The following ZNF385D variants were observed in gnomAD, a reference collection of about 807,000 sequenced individuals.
ZNF385D encodes the protein zinc finger protein 385D, also known as zinc finger protein 659.
Under a neutral mutation model 35.8 loss-of-function variants are expected in ZNF385D, and 15 were observed. The ratio of observed to expected loss-of-function variants is 0.42; its 90% confidence interval spans 0.28 to 0.64. The LOEUF (loss-of-function observed/expected upper bound fraction) is 0.64, where lower values mean the gene tolerates loss of function less well. Ranked by LOEUF, ZNF385D falls within the 30% of genes least tolerant of loss-of-function variation. The pLI is 0.23. For synonymous variants in ZNF385D, 212 were observed against 186.8 expected, an observed-to-expected ratio of 1.13 and a Z score of -1.10; for missense variants, 474 against 494.6, an observed-to-expected ratio of 0.96 and a Z score of 0.39.
intron 4 of ZNF385D, among the ~76,000 whole-genome samples, chr3:21,470,896 C>A (rs541710436): frequency 3.9e-5 from 6 of 152,100 alleles, no homozygotes; most frequent in African/African-American, 1.4e-4. Context: ...GGAAGGTTTG[C>A]TACTGCATTT....
At chr3:22,210,833 A>T (rs1225379469) in intron 2 of ZNF385D, among the ~76,000 whole-genome samples, 1 of 151,812 alleles carries the variant, frequency 6.6e-6, no homozygotes, top group Non-Finnish European at 1.5e-5. Flanking sequence ...GCCAAAATAT[A>T]CTCTAAGTCA....
chr3:21,956,485 T>TA (rs1222839935), intron 3 of ZNF385D, among the ~76,000 whole-genome samples: 1 of 151,962 alleles, frequency 6.6e-6, no homozygotes, highest in Non-Finnish European at 1.5e-5. Flanking sequence ...TGTAAATATG[T>TA]AAAAGGGAGA....
intron 3 of ZNF385D, among the ~76,000 whole-genome samples, chr3:22,108,374 T>C (rs534832039): frequency 6.6e-6 from 1 of 152,116 alleles, no homozygotes; most frequent in Non-Finnish European, 1.5e-5. Context: ...TTTTGTTTTT[T>C]TTTTGCATGA....
At chr3:22,113,134 T>A (rs181185243) in intron 3 of ZNF385D, among the ~76,000 whole-genome samples, 7 of 152,056 alleles carry the variant, frequency 4.6e-5, no homozygotes, top group African/African-American at 1.7e-4. Context: ...TGTGTTGAAA[T>A]AGAATGTGTA....
intron 3 of ZNF385D, among the ~76,000 whole-genome samples, chr3:21,997,256 C>A (rs1180804645): frequency 1.3e-5 from 2 of 151,984 alleles, no homozygotes; most frequent in Non-Finnish European, 2.9e-5. Flanking sequence ...GGACAGAAAA[C>A]CAAATACCAC....
chr3:21,436,936 C>T lies in ZNF385D; in HGVS notation c.673+34G>A, dbSNP rs780182407. 5.0e-6 allele frequency: 8 copies of T among 1,588,926 alleles called. No individual in the cohort carries two copies. In the East Asian group the frequency reaches 1.6e-4, roughly 31 times the overall value. ...TATTCAGAGGAAGATAATTGCAGAG[C>T]TGTTGAAACAAAAAAGAAATCGCTG... On this transcript the variant is annotated intron_variant, in intron 5 of 7. Transcript: ENST00000281523.
At chr3:22,069,841 C>T (rs1036615846) in intron 3 of ZNF385D, among the ~76,000 whole-genome samples, 43 of 152,142 alleles carry the variant, frequency 2.8e-4, no homozygotes, top group African/African-American at 8.7e-4. Flanking sequence ...CGTAGGAAAA[C>T]CCCACTGTAG....
chr3:21,814,798 T>C lies in ZNF385D; in HGVS notation c.326-149770A>G, dbSNP rs1377914565. Among the ~76,000 whole-genome samples the C allele has an allele frequency of 3.3e-5, 5 of 152,026 alleles. No individual in the cohort carries two copies. The East Asian group carries it at 7.7e-4, about 24-fold the overall frequency. The stretch of plus-strand genomic sequence containing the variant: ...ATGAGACAGAAAGTTAACAAGGATA[T>C]CCAGGAATTGAACTCAGCTCTGCAC... On this transcript the variant is annotated intron_variant, in intron 3 of 5. Coordinates refer to the ZNF385D transcript ENST00000494108.
chr3:21,937,475 A>G (rs1467044362), intron 3 of ZNF385D, among the ~76,000 whole-genome samples: 2 of 152,196 alleles, frequency 1.3e-5, no homozygotes, highest in South Asian at 4.1e-4. Flanking sequence ...AGCTACACTA[A>G]TAAGTCTCTG....
At chr3:21,964,433 G>GAAAAAA (rs10558356) in intron 3 of ZNF385D, among the ~76,000 whole-genome samples, 1 of 94,472 alleles carries the variant, frequency 1.1e-5, no homozygotes, top group Non-Finnish European at 1.9e-5. Context: ...AAAAAAAAAA[G>GAAAAAA]AAAAAAAAAA....
chr3:21,478,619 T>G (rs569239746), intron 4 of ZNF385D, among the ~76,000 whole-genome samples: 2 of 152,196 alleles, frequency 1.3e-5, no homozygotes, highest in African/African-American at 2.4e-5. Context: ...TATCAAATAT[T>G]TTCTAGTCAA....
At chr3:22,161,437 G>T (rs902519235) in intron 3 of ZNF385D, among the ~76,000 whole-genome samples, 1 of 151,926 alleles carries the variant, frequency 6.6e-6, no homozygotes. Context: ...AAGCTCAATT[G>T]CATCATAAAT....
At chr3:21,903,903 T>A (rs951918451) in intron 3 of ZNF385D, among the ~76,000 whole-genome samples, 1 of 152,214 alleles carries the variant, frequency 6.6e-6, no homozygotes, top group Non-Finnish European at 1.5e-5. Flanking sequence ...TCACTCAATA[T>A]GAGCCTCTGG....
chr3:21,702,330 T>C (rs1045509161), intron 1 of ZNF385D, among the ~76,000 whole-genome samples: 21 of 152,330 alleles, frequency 1.4e-4, no homozygotes, highest in Non-Finnish European at 2.2e-4. Context: ...GAGCTCTACA[T>C]TGGTCCCTAT....
chr3:21,525,862 A>C (rs1307211637), intron 3 of ZNF385D, among the ~76,000 whole-genome samples: 1 of 152,114 alleles, frequency 6.6e-6, no homozygotes, highest in African/African-American at 2.4e-5. Flanking sequence ...GAGACATTCC[A>C]ATCTGAAATA....
chr3:21,838,622 C>T (rs747491685), intron 3 of ZNF385D, among the ~76,000 whole-genome samples: 10 of 152,056 alleles, frequency 6.6e-5, no homozygotes, highest in African/African-American at 2.2e-4. Context: ...TGGAAGGTCA[C>T]GGTTTTTTAT....
chr3:22,021,495 C>A (rs1697221512), intron 3 of ZNF385D, among the ~76,000 whole-genome samples: 1 of 152,038 alleles, frequency 6.6e-6, no homozygotes, highest in Non-Finnish European at 1.5e-5. Flanking sequence ...GGTTTTGAAT[C>A]CTGACTCCAC....
intron 2 of ZNF385D, among the ~76,000 whole-genome samples, chr3:22,180,270 G>A (rs907870141): frequency 1.4e-4 from 21 of 152,132 alleles, no homozygotes; most frequent in African/African-American, 5.1e-4. Context: ...CCAATAACAG[G>A]CTCTGAAATT....
intron 3 of ZNF385D, among the ~76,000 whole-genome samples, chr3:21,771,362 C>T (rs781156848): frequency 6.6e-6 from 1 of 151,452 alleles, no homozygotes; most frequent in Non-Finnish European, 1.5e-5. Context: ...TACAGAAAGC[C>T]CTGGGGAAAG....
Sources: gnomAD v4.1 joint callset for allele counts (sites outside exome capture counted in the v4.1 genomes callset) on GRCh38, gnomAD v4.1.1 for gene constraint, MANE v1.5 for transcripts, NCBI Gene and HGNC (gene_info 2026-07-23, HGNC 2026-07-21) for gene names.